The following RSPH14 variants were observed in gnomAD, a reference collection of about 807,000 sequenced individuals.
The protein encoded by RSPH14 is rhabdoid tumor deletion region gene 1.
RSPH14 carries 20 observed loss-of-function variants against 26.7 expected under a neutral mutation model. That is an observed-to-expected ratio of 0.75 (90% CI 0.53 to 1.09). The LOEUF (loss-of-function observed/expected upper bound fraction) is 1.09, where lower values mean the gene tolerates loss of function less well. RSPH14 is among the 50% of genes least tolerant of loss of function. RSPH14 has a pLI of 0.00. For synonymous variants in RSPH14, 177 were observed against 189.3 expected, an observed-to-expected ratio of 0.93 and a Z score of 0.53; for missense variants, 449 against 457.2, an observed-to-expected ratio of 0.98 and a Z score of 0.16.
At chr22:23,059,775 CCT>C in intron 6 of RSPH14, 57 bp from the exon 7 acceptor site, 6 of 1,484,330 alleles carry the variant, frequency 4.0e-6, no homozygotes, top group African/African-American at 1.4e-5. Context: ...CTTCTCACCC[CCT>C]CTCACCCTAG....
intron 4 of RSPH14, chr22:23,131,624 T>G: frequency 7.7e-7 from 1 of 1,304,132 alleles, no homozygotes; most frequent in South Asian, 1.2e-5. Flanking sequence ...GCAAGTCCCC[T>G]GTCTCCACAC....
intron 4 of RSPH14, chr22:23,070,723 G>A (rs1156406661): frequency 2.0e-5 from 3 of 152,264 alleles, no homozygotes; most frequent in Non-Finnish European, 2.9e-5. Context: ...CCCCTCAGGG[G>A]TGGGGGACAC....
intron 3 of RSPH14, 50 bp downstream of exon 3, chr22:23,138,790 G>C (rs1569197154): frequency 6.8e-7 from 1 of 1,461,676 alleles, no homozygotes; most frequent in Admixed American, 2.0e-5. Flanking sequence ...CCACCCAGGG[G>C]AGAAGTGCGG....
chr22:23,121,963 C>A (rs1569187442), intron 4 of RSPH14, among the ~76,000 whole-genome samples: 1 of 152,026 alleles, frequency 6.6e-6, no homozygotes, highest in Non-Finnish European at 1.5e-5. Flanking sequence ...GAACTCCTGA[C>A]CTTGTGATCC....
At chr22:23,159,330 T>C in the RSPH14 span, 1 of 1,339,572 alleles carries the variant, frequency 7.5e-7, no homozygotes, top group East Asian at 2.5e-5. Flanking sequence ...TGCCATGCAG[T>C]GTTTCCCTCT....
chr22:23,118,999 G>A (rs1016890527), intron 4 of RSPH14, among the ~76,000 whole-genome samples: 2 of 152,256 alleles, frequency 1.3e-5, no homozygotes, highest in African/African-American at 4.8e-5. Flanking sequence ...AGCATGGACA[G>A]GTCAGAGGGC....
At chr22:23,171,734 C>T in the RSPH14 span, among the ~76,000 whole-genome samples, 46,900 of 150,234 alleles carry the variant, frequency 0.31, 7,600 homozygotes, top group African/African-American at 0.4. Context: ...CTCAGCTACT[C>T]GGGAGGCTGA....
chr22:23,142,086 G>T, upstream of RSPH14: 1 of 963,992 alleles, frequency 1.0e-6, no homozygotes, highest in Non-Finnish European at 1.2e-6. Flanking sequence ...CACTGCGCAG[G>T]CGCAAACAGC....
chr22:23,077,861 G>C (rs924298251), intron 4 of RSPH14, among the ~76,000 whole-genome samples: 1 of 152,158 alleles, frequency 6.6e-6, no homozygotes, highest in Non-Finnish European at 1.5e-5. Context: ...TGAACTGGTG[G>C]TACCTCACCC....
chr22:23,153,426 C>T, the RSPH14 span: 1 of 327,212 alleles, frequency 3.1e-6, no homozygotes. Flanking sequence ...GGCCCTGGCT[C>T]CAGTCCCTCC....
At chr22:23,150,248 G>A in the RSPH14 span, 14 of 1,020,160 alleles carry the variant, frequency 1.4e-5, no homozygotes, top group African/African-American at 6.3e-5. Context: ...ACACACACAC[G>A]AGGCTGGTGC....
At chr22:23,134,184 T>A (rs1427404011) in intron 3 of RSPH14, 40 bp from the exon 4 acceptor site, 8 of 1,470,796 alleles carry the variant, frequency 5.4e-6, no homozygotes, top group Non-Finnish European at 5.6e-6. Context: ...AGTGAGACCA[T>A]GCCCTGAGAG....
At chr22:23,125,670 G>GA (rs2070165801) in intron 4 of RSPH14, among the ~76,000 whole-genome samples, 1 of 152,232 alleles carries the variant, frequency 6.6e-6, no homozygotes, top group Admixed American at 6.5e-5. Context: ...GTTGCCAGAG[G>GA]TGCCCATTTT....
intron 4 of RSPH14, among the ~76,000 whole-genome samples, chr22:23,098,404 T>C (rs187357352): frequency 2.6e-5 from 4 of 152,328 alleles, no homozygotes; most frequent in Admixed American, 2.6e-4. Flanking sequence ...ATGGGCTGGG[T>C]GGCCCCTGTG....
At chr22:23,153,359 C>G in the RSPH14 span, among the ~76,000 whole-genome samples, 1 of 152,170 alleles carries the variant, frequency 6.6e-6, no homozygotes, top group East Asian at 1.9e-4. Flanking sequence ...AAGGTGCTCA[C>G]AGCCTGACCT....
At chr22:23,110,300 C>T (rs998829154) in intron 4 of RSPH14, among the ~76,000 whole-genome samples, 4 of 152,120 alleles carry the variant, frequency 2.6e-5, no homozygotes, top group Non-Finnish European at 5.9e-5. Flanking sequence ...AGTCACTTCT[C>T]GGAGGTGAAC....
At chr22:23,166,165 A>AAT in the RSPH14 span, among the ~76,000 whole-genome samples, 1 of 149,542 alleles carries the variant, frequency 6.7e-6, no homozygotes, top group Non-Finnish European at 1.5e-5. Flanking sequence ...AAAAAAAAAA[A>AAT]AAAAAAAAAA....
At chr22:23,133,737 C>G (rs1310218340) in intron 4 of RSPH14, among the ~76,000 whole-genome samples, 3 of 151,916 alleles carry the variant, frequency 2.0e-5, no homozygotes, top group Non-Finnish European at 4.4e-5. Flanking sequence ...TTACAGGTGC[C>G]CACCACCATG....
upstream of RSPH14, chr22:23,145,919 T>G: frequency 1.1e-6 from 1 of 949,140 alleles, no homozygotes; most frequent in Non-Finnish European, 1.3e-6. Context: ...GGCTGAAAGT[T>G]AAGGCCCCCA....
Sources: gnomAD v4.1 joint callset for allele counts (sites outside exome capture counted in the v4.1 genomes callset) on GRCh38, gnomAD v4.1.1 for gene constraint, MANE v1.5 for transcripts, NCBI Gene and HGNC (gene_info 2026-07-23, HGNC 2026-07-21) for gene names.